The following MAST2 variants were observed in gnomAD, a reference collection of about 807,000 sequenced individuals.
MAST2 encodes microtubule associated serine/threonine kinase 2, also known as microtubule-associated serine/threonine-protein kinase 2.
In MAST2, 70 loss-of-function variants were observed where a neutral mutation model predicts 147.4. That is an observed-to-expected ratio of 0.47 (90% CI 0.39 to 0.58). The LOEUF is 0.58. Among genes scored for constraint, MAST2 ranks in the 20% least tolerant of loss-of-function variants. MAST2 has a pLI of 0.00. For missense variants in MAST2, 2,080 were observed against 2,302.3 expected, an observed-to-expected ratio of 0.90 and a Z score of 1.98; for synonymous variants, 869 against 896.8, an observed-to-expected ratio of 0.97 and a Z score of 0.55.
chr1:45,995,574 A>G (rs558203874), intron 5 of MAST2, among the ~76,000 whole-genome samples: 1 of 152,226 alleles, frequency 6.6e-6, no homozygotes, highest in Non-Finnish European at 1.5e-5. Context: ...TCCTGTCTCT[A>G]AACCGCATTT....
At chr1:45,819,250 CTCA>C (rs1430953455) in intron 1 of MAST2, among the ~76,000 whole-genome samples, 11 of 113,068 alleles carry the variant, frequency 9.7e-5, no homozygotes, top group African/African-American at 2.8e-4. Context: ...CAAAGTCTGT[CTCA>C]AAAAAAAAAA....
chr1:45,930,791 GT>G (rs1357234505), intron 4 of MAST2, among the ~76,000 whole-genome samples: 2 of 152,082 alleles, frequency 1.3e-5, no homozygotes, highest in African/African-American at 4.8e-5. Flanking sequence ...TGTGGGCTGT[GT>G]TTATACAAGC....
Position 46,023,948 on chromosome 1 carries a change from G to A in MAST2, c.1748G>A (p.Arg583His), listed in dbSNP as rs765230688. 77 of 1,614,082 alleles carry A rather than the reference G, an allele frequency of 4.8e-5. No homozygotes were observed. The highest frequency in any genetic ancestry group is 1.3e-4 in the Admixed American group (8 of 60,004). ...ATGTTCTGCTCCTTTGATACCAAGC[G>A]CCACTTGTGCATGGTGATGGAGTAC... is the stretch of plus-strand genomic sequence containing the variant. ...VSMFCSFDTK[R>H]HLCMVMEYVE... The change falls in exon 15 of 29, where the codon CGC (arginine) becomes CAC (histidine). Residue 583 changes from arginine to histidine, a missense_variant. Transcript: ENST00000361297. This position sits in a 1 kb window ranked among gnomAD's most constrained non-coding sequence, Gnocchi z 4.9.
At chr1:45,805,118 C>T (rs528845781) in intron 1 of MAST2, among the ~76,000 whole-genome samples, 4 of 142,844 alleles carry the variant, frequency 2.8e-5, no homozygotes, top group East Asian at 2.0e-4. Context: ...GGCATTATTT[C>T]GGCTCACTGC....
At chr1:45,858,971 C>G (rs964894219) in intron 3 of MAST2, among the ~76,000 whole-genome samples, 1 of 152,058 alleles carries the variant, frequency 6.6e-6, no homozygotes, top group Admixed American at 6.6e-5. Context: ...TGGTCTATAT[C>G]TCTGTTTTGG....
chr1:45,848,773 G>A (rs1645524917), intron 3 of MAST2, among the ~76,000 whole-genome samples: 1 of 152,140 alleles, frequency 6.6e-6, no homozygotes, highest in African/African-American at 2.4e-5. Flanking sequence ...ATTCAAGTAG[G>A]AAGAGAGAAG....
At chr1:46,034,373 C>A in intron 28 of MAST2, 107 bp downstream of exon 28, 1 of 1,380,294 alleles carries the variant, frequency 7.2e-7, no homozygotes, top group Non-Finnish European at 9.7e-7. Context: ...ATTTAGCCCA[C>A]CCCCTGAAAG....
chr1:46,035,284 G>A lies in MAST2; in HGVS notation c.4615G>A (p.Gly1539Arg). 6.2e-7 allele frequency: 1 copy of A among 1,613,986 alleles called. No homozygotes were observed. Among genetic ancestry groups the A allele is most frequent in the Non-Finnish European group, 8.5e-7 (1 of 1,180,000 alleles). Residue 1539 changes from glycine to arginine, a missense_variant, in exon 29 of 29, where the codon GGA becomes AGA. This residue lies in a region of MAST2 where 1,278 missense variants were observed against 1,304.2 expected (regional missense o/e 0.98). Coordinates refer to ENST00000361297, the MANE Select transcript of MAST2 (RefSeq NM_015112.3). This position sits in a 1 kb window ranked among gnomAD's most constrained non-coding sequence, Gnocchi z 5.5. ...CCAGAGTGTGGCCCCTAAAGGAGCAGGAGAGAGTGGGGAAGAGGATCCTTT... is the reference window on the plus strand; with the variant it reads ...CCAGAGTGTGGCCCCTAAAGGAGCAAGAGAGAGTGGGGAAGAGGATCCTTT... ...VSQSVAPKGA[G>R]ESGEEDPFPS...
intron 5 of MAST2, among the ~76,000 whole-genome samples, chr1:45,967,924 G>A (rs567754870): frequency 2.0e-5 from 3 of 152,264 alleles, no homozygotes; most frequent in Non-Finnish European, 4.4e-5. Flanking sequence ...ATGTGTGTAC[G>A]TGTGTGCATA....
chr1:45,884,424 C>T (rs753420313), intron 4 of MAST2, among the ~76,000 whole-genome samples: 14 of 152,084 alleles, frequency 9.2e-5, no homozygotes, highest in Non-Finnish European at 1.3e-4. Context: ...TCATGGCGTG[C>T]GCCTGTAGTC....
At position 45,917,232 on chromosome 1, in the gene MAST2, T is replaced by TA. The variant is rs1652685140; in HGVS notation, c.500+34838dup. 2.9e-5 allele frequency: 17 copies of TA among 577,528 alleles called. 1 individual carries two copies. Among genetic ancestry groups the TA allele is most frequent in the Middle Eastern group, 4.7e-4 (1 of 2,148 alleles). 35.8% of individuals were successfully genotyped at this position (577,528 alleles called of 1,614,324 possible). A position where few individuals can be genotyped will look rare whatever the true frequency, so the allele number is the denominator to read the frequency against. On this transcript the variant is annotated intron_variant, in intron 4 of 28. Coordinates refer to ENST00000361297, the MANE Select transcript of MAST2 (RefSeq NM_015112.3). ...TATTGGAGAATGATTTTTGACCACT[T>TA]ACTTTTCTTGAGCTTTTTGCCTAAA...
At chr1:45,887,411 C>T (rs1647144315) in intron 4 of MAST2, among the ~76,000 whole-genome samples, 1 of 152,178 alleles carries the variant, frequency 6.6e-6, no homozygotes, top group African/African-American at 2.4e-5. Flanking sequence ...ATTGGCATTG[C>T]TGGCTTGTAG....
chr1:45,877,016 G>C (rs778542645), intron 3 of MAST2, among the ~76,000 whole-genome samples: 10 of 152,146 alleles, frequency 6.6e-5, no homozygotes, highest in Non-Finnish European at 1.2e-4. Flanking sequence ...TAGAAAAAGA[G>C]GATATATTAC....
chr1:45,914,577 C>G (rs1362870040), intron 4 of MAST2, among the ~76,000 whole-genome samples: 1 of 152,146 alleles, frequency 6.6e-6, no homozygotes, highest in Non-Finnish European at 1.5e-5. Flanking sequence ...CTTTGTTTAA[C>G]CCACAGGGCT....
At chr1:45,834,790 C>T (rs1367153592) in intron 3 of MAST2, among the ~76,000 whole-genome samples, 1 of 152,090 alleles carries the variant, frequency 6.6e-6, no homozygotes, top group African/African-American at 2.4e-5. Context: ...TTGCTTTCTC[C>T]TGAGTATGTT....
intron 4 of MAST2, among the ~76,000 whole-genome samples, chr1:45,893,533 A>G (rs1347726283): frequency 2.6e-5 from 4 of 151,500 alleles, no homozygotes; most frequent in East Asian, 3.9e-4. Context: ...GAGCCACCGC[A>G]CCTGGCCAGT....
chr1:45,969,928 T>C (rs987674025), intron 5 of MAST2, among the ~76,000 whole-genome samples: 1 of 152,146 alleles, frequency 6.6e-6, no homozygotes, highest in African/African-American at 2.4e-5. Flanking sequence ...GATGAGCCTT[T>C]GTCCCTGGAC....
chr1:45,816,304 A>G (rs1644452884), intron 1 of MAST2, among the ~76,000 whole-genome samples: 1 of 152,126 alleles, frequency 6.6e-6, no homozygotes, highest in Non-Finnish European at 1.5e-5. Flanking sequence ...AAACAAGCCC[A>G]GATCGCAAAG....
chr1:46,033,987 G>C (rs368377196), intron 27 of MAST2, 49 bp downstream of exon 27: 3 of 1,609,190 alleles, frequency 1.9e-6, no homozygotes, highest in East Asian at 2.2e-5. Context: ...CATGAGTGCT[G>C]GTACGTGGTG....
Sources: allele counts gnomAD v4.1 joint callset (sites outside exome capture counted in the v4.1 genomes callset), GRCh38; gene constraint gnomAD v4.1.1; regional missense constraint gnomAD v4.1.1; non-coding constraint Gnocchi (gnomAD v3.1); transcripts MANE v1.5; gene names NCBI Gene and HGNC (gene_info 2026-07-23, HGNC 2026-07-21).